Variants in ZNF831 observed in about 807,000 individuals in gnomAD.
ZNF831 encodes the protein chromosome 20 open reading frame 174.
ZNF831 carries 59 observed loss-of-function variants against 95.8 expected under a neutral mutation model. The ratio of observed to expected loss-of-function variants is 0.62; its 90% CI spans 0.50 to 0.77. ZNF831 has a LOEUF of 0.77. ZNF831 is among the 30% of genes least tolerant of loss of function. The pLI, the probability that ZNF831 is intolerant of heterozygous loss-of-function variation, is 0.00. For synonymous variants in ZNF831, 961 were observed against 925.5 expected (o/e 1.04, Z -0.70); for missense variants, 2,205 against 2,164.0 (o/e 1.02, Z -0.38).
chr20:59,210,585 A>C (rs1985229952), intron 4 of ZNF831, among the ~76,000 whole-genome samples: 1 of 152,198 alleles, frequency 6.6e-6, no homozygotes, highest in South Asian at 2.1e-4. Context: ...CTTATCCTGC[A>C]TGCTCATGGT....
chr20:59,140,955 A>G (rs1023554455), intron 1 of ZNF831, among the ~76,000 whole-genome samples: 1 of 152,000 alleles, frequency 6.6e-6, no homozygotes, highest in African/African-American at 2.4e-5. Flanking sequence ...GCTGGAGTGC[A>G]GTGGCACGAT....
chr20:59,220,889 A>G (rs975068880), intron 4 of ZNF831, among the ~76,000 whole-genome samples: 3 of 152,140 alleles, frequency 2.0e-5, no homozygotes, highest in African/African-American at 7.2e-5. Flanking sequence ...CTTGACTTTT[A>G]CTAGTTCTTT....
At chr20:59,149,090 A>C (rs1309985046) in intron 2 of ZNF831, among the ~76,000 whole-genome samples, 1 of 152,212 alleles carries the variant, frequency 6.6e-6, no homozygotes, top group African/African-American at 2.4e-5. Flanking sequence ...ACAGATGAAT[A>C]GGATGGGTGC....
intron 3 of ZNF831, 96 bp from the exon 4 acceptor site, chr20:59,206,809 C>T: frequency 7.1e-7 from 1 of 1,402,072 alleles, no homozygotes; most frequent in Non-Finnish European, 9.8e-7. Context: ...AGGTTGAGCC[C>T]CGTGTTCTCC....
chr20:59,192,840 C>T lies in ZNF831; in HGVS notation c.1821C>T (p.Cys607=), dbSNP rs1032131216. 3.1e-6 allele frequency: 5 copies of T among 1,605,412 alleles called. No individual in the cohort carries two copies. The highest frequency in any genetic ancestry group is 1.3e-5 in the African/African-American group (1 of 74,740). ...AGGGCAGAGCGGGCGGCAGGAAGTG[C>T]GGCCAGAGAAGGCTGAAGATGTTCT... ...AGKGRAGGRK[C]GQRRLKMFSQ... Residue 607 remains cysteine (C), a synonymous_variant, in exon 2 of 6, where the codon TGC becomes TGT. Transcript: ENST00000371030. This position sits in a 1 kb window ranked among gnomAD's most constrained non-coding sequence, Gnocchi z 5.2.
Position 59,194,444 on chromosome 20 carries a change from G to T in ZNF831, c.3425G>T (p.Gly1142Val), listed in dbSNP as rs768272702. The T allele has an allele frequency of 6.2e-7, 1 of 1,612,982 alleles. No individual in the cohort carries two copies. Among genetic ancestry groups the T allele is most frequent in the Non-Finnish European group, 8.5e-7 (1 of 1,179,754 alleles). ...CTCACTGCCCTCACTCGGCCTCAGG[G>T]TGTGCCCCCAGGCTGGCCAGAGCTG... Reference protein sequence around the residue: ...SFLTALTRPQGVPPGWPELAL... With the variant: ...SFLTALTRPQVVPPGWPELAL... The change falls in exon 2 of 6, where the codon GGT (glycine) becomes GTT (valine). Residue 1142 changes from glycine (G) to valine (V), a missense_variant. Gly to Val is a moderately radical substitution (Grantham distance 109, BLOSUM62 -3). Coordinates refer to ENST00000371030, the MANE Select transcript of ZNF831 (RefSeq NM_178457.3).
intron 3 of ZNF831, among the ~76,000 whole-genome samples, chr20:59,202,323 C>CTTTTTT (rs1984589567): frequency 7.8e-6 from 1 of 127,910 alleles, no homozygotes. Context: ...TTATTTTCAA[C>CTTTTTT]CTTTTTTTTT....
chr20:59,181,999 T>C (rs1322587245), intron 1 of ZNF831, among the ~76,000 whole-genome samples: 1 of 152,184 alleles, frequency 6.6e-6, no homozygotes, highest in African/African-American at 2.4e-5. Context: ...TTATTCTGCA[T>C]GCCAGCCCAG....
chr20:59,211,641 C>T (rs1367534843), intron 4 of ZNF831, among the ~76,000 whole-genome samples: 1 of 152,222 alleles, frequency 6.6e-6, no homozygotes, highest in East Asian at 1.9e-4. Context: ...TGTTTGAAGA[C>T]AAAGCACTGT....
intron 1 of ZNF831, among the ~76,000 whole-genome samples, chr20:59,140,575 C>T (rs190929717): frequency 6.6e-6 from 1 of 152,238 alleles, no homozygotes; most frequent in East Asian, 1.9e-4. Flanking sequence ...ACAGAGAGGT[C>T]CCAGGGACCT....
chr20:59,132,007 C>G (rs1427576493), intron 1 of ZNF831, among the ~76,000 whole-genome samples: 1 of 152,268 alleles, frequency 6.6e-6, no homozygotes, highest in Admixed American at 6.5e-5. Context: ...CTCCAGTTCT[C>G]TCCACATAGG....
chr20:59,207,201 C>A (rs1315818048), intron 4 of ZNF831, 145 bp downstream of exon 4: 5 of 957,894 alleles, frequency 5.2e-6, no homozygotes, highest in Non-Finnish European at 7.6e-6. Flanking sequence ...AGAGGCATGA[C>A]GTCTATGAGA....
chr20:59,191,687 C>A lies in ZNF831; in HGVS notation c.668C>A (p.Pro223His), dbSNP rs1983546425. 7 of 1,556,248 alleles carry A rather than the reference C, an allele frequency of 4.5e-6. No individual in the cohort carries two copies. Among genetic ancestry groups the A allele is most frequent in the Non-Finnish European group, 6.1e-6 (7 of 1,151,236 alleles). The change falls in exon 2 of 6, where the codon CCC becomes CAC. Residue 223 changes from proline to histidine, a missense_variant. Pro to His is a moderately conservative substitution (Grantham distance 77, BLOSUM62 -2). Transcript: ENST00000371030. ...GAGGAAGGGGACAAGGCCGGAGAGC[C>A]CCCCAGACCAGAGGGCAGGGGCGAG... ...LLEEGDKAGE[P>H]PRPEGRGESR... is the part of the protein sequence containing the mutation.
chr20:59,253,329 T>C (rs945515686), intron 5 of ZNF831, among the ~76,000 whole-genome samples, 191 bp downstream of exon 5: 1 of 152,118 alleles, frequency 6.6e-6, no homozygotes, highest in Non-Finnish European at 1.5e-5. Context: ...GCTTTGGTAG[T>C]GCAAACATTG....
At chr20:59,214,095 G>A (rs1985521574) in intron 4 of ZNF831, among the ~76,000 whole-genome samples, 1 of 152,134 alleles carries the variant, frequency 6.6e-6, no homozygotes, top group Non-Finnish European at 1.5e-5. Context: ...ATATGCGTGA[G>A]GACTGCTGAG....
Position 59,193,616 on chromosome 20 carries a change from CA to C in ZNF831, c.2598del (p.Gly868AlafsTer27). The C allele has an allele frequency of 6.2e-7, 1 of 1,612,448 alleles. No homozygotes were observed. Among genetic ancestry groups the C allele is most frequent in the Non-Finnish European group, 8.5e-7 (1 of 1,179,544 alleles). On this transcript the variant is annotated frameshift_variant, in exon 2 of 6. Transcript: ENST00000371030. LOFTEE classifies it high-confidence loss of function. ...CAGGATGCCGATCCCGGGGAGGTGC[CA>C]GGGGGCTCAAAGGAGAGTGCCAGGC... ...QKQDADPGEV[P>X]GGSKESARQV...
intron 1 of ZNF831, among the ~76,000 whole-genome samples, chr20:59,183,317 A>G (rs1982766063): frequency 6.6e-6 from 1 of 152,176 alleles, no homozygotes; most frequent in South Asian, 2.1e-4. Flanking sequence ...GTGCTAGTGG[A>G]CTAGGGAGCA....
chr20:59,152,539 C>T (rs966451493), intron 2 of ZNF831, among the ~76,000 whole-genome samples: 7 of 152,072 alleles, frequency 4.6e-5, no homozygotes, highest in African/African-American at 7.2e-5. Flanking sequence ...TTGGAGCTGG[C>T]GAATAGGGTA....
chr20:59,234,479 T>A (rs143873094), intron 4 of ZNF831, among the ~76,000 whole-genome samples: 1 of 152,318 alleles, frequency 6.6e-6, no homozygotes, highest in East Asian at 1.9e-4. Flanking sequence ...AGAAAGTGGC[T>A]TGAAATGAGA....
Sources: gnomAD v4.1 joint callset for allele counts (sites outside exome capture counted in the v4.1 genomes callset) on GRCh38, gnomAD v4.1.1 for gene constraint, Gnocchi (gnomAD v3.1) non-coding constraint, MANE v1.5 for transcripts, NCBI Gene and HGNC (gene_info 2026-07-23, HGNC 2026-07-21) for gene names.